The following NR4A3 variants were observed in gnomAD, a reference collection of about 807,000 sequenced individuals.
NR4A3 encodes chondrosarcoma, extraskeletal myxoid, fused to EWS.
A neutral mutation model predicts 55.6 loss-of-function variants in NR4A3; 13 were observed. The ratio of observed to expected loss-of-function variants is 0.23; its 90% CI spans 0.15 to 0.37. The LOEUF (loss-of-function observed/expected upper bound fraction) is 0.37. Ranked by LOEUF, NR4A3 falls within the 10% of genes least tolerant of loss-of-function variation. The probability of loss-of-function intolerance (pLI) is 1.00; values close to 1 mark genes in which losing one functional copy is unlikely to be tolerated. For missense variants in NR4A3, 646 were observed against 822.8 expected, an observed-to-expected ratio of 0.79 and a Z score of 2.63; for synonymous variants, 342 against 357.9, an observed-to-expected ratio of 0.96 and a Z score of 0.50.
intron 5 of NR4A3, among the ~76,000 whole-genome samples, chr9:99,839,167 G>C (rs1335484325): frequency 6.6e-6 from 1 of 152,106 alleles, no homozygotes; most frequent in Non-Finnish European, 1.5e-5. Flanking sequence ...TTTTTGGAGT[G>C]GGGGCATAGA....
chr9:99,857,325 A>T (rs953158397), intron 7 of NR4A3, among the ~76,000 whole-genome samples: 1 of 152,176 alleles, frequency 6.6e-6, no homozygotes, highest in East Asian at 1.9e-4. Flanking sequence ...TGAGTTTTAG[A>T]TAGAGAGGAT....
At chr9:99,830,368 T>C (rs1346864920) in intron 3 of NR4A3, among the ~76,000 whole-genome samples, 1 of 152,236 alleles carries the variant, frequency 6.6e-6, no homozygotes, top group Non-Finnish European at 1.5e-5. Flanking sequence ...GATAAAAATA[T>C]ATATGAAAGT....
In NR4A3 at chr9:99,828,632, C is replaced by T; in HGVS notation, c.590C>T (p.Pro197Leu). Residue 197 changes from proline to leucine, a missense_variant, in exon 3 of 8, where the codon CCG becomes CTG. Physicochemically the swap from Pro to Leu is moderately conservative, Grantham distance 98. Around this residue, in one of 5 missense-constraint regions of NR4A3, gnomAD observed 426 missense variants for 429.4 expected, o/e 0.99. Coordinates refer to ENST00000395097, the MANE Select transcript of NR4A3 (RefSeq NM_006981.4). This position sits in a 1 kb window ranked among gnomAD's most constrained non-coding sequence, Gnocchi z 7.7. ...RFPLFHFKPS[P>L]PHPPAPSPAG... is the part of the protein sequence containing the mutation. Reference sequence around the variant, plus strand: ...CCGCTCTTCCACTTCAAGCCCTCGCCGCCGCATCCCCCCGCGCCCAGCCCG... The same window carrying T: ...CCGCTCTTCCACTTCAAGCCCTCGCTGCCGCATCCCCCCGCGCCCAGCCCG... The T allele has an allele frequency of 6.8e-7, 1 of 1,474,882 alleles. No homozygotes were observed. The highest frequency in any genetic ancestry group is 1.3e-5 in the South Asian group (1 of 76,818). 91.4% of individuals were successfully genotyped at this position (1,474,882 alleles called of 1,614,324 possible).
intron 6 of NR4A3, 55 bp from the exon 7 acceptor site, chr9:99,847,382 A>G: frequency 5.9e-6 from 9 of 1,535,916 alleles, no homozygotes; most frequent in Non-Finnish European, 8.1e-6. Flanking sequence ...TAATGTTATC[A>G]TGTTGGACAG....
At chr9:99,856,514 A>G (rs1306213742) in intron 7 of NR4A3, among the ~76,000 whole-genome samples, 1 of 152,174 alleles carries the variant, frequency 6.6e-6, no homozygotes. Context: ...GCCATGGACC[A>G]ATACCAATTG....
At chr9:99,835,831 A>G (rs1827549320) in intron 5 of NR4A3, among the ~76,000 whole-genome samples, 1 of 152,182 alleles carries the variant, frequency 6.6e-6, no homozygotes, top group African/African-American at 2.4e-5. Context: ...ATCCTCATCA[A>G]CAAACATTTA....
intron 6 of NR4A3, among the ~76,000 whole-genome samples, chr9:99,846,263 C>T (rs533911602): frequency 2.0e-5 from 3 of 152,252 alleles, no homozygotes; most frequent in African/African-American, 7.2e-5. Flanking sequence ...CTTGTTATAC[C>T]CAATATTTGT....
intron 3 of NR4A3, among the ~76,000 whole-genome samples, chr9:99,831,107 G>A (rs576700535): frequency 2.0e-5 from 3 of 152,250 alleles, no homozygotes; most frequent in Admixed American, 6.5e-5. Context: ...ATAGGAATTC[G>A]GTGATTGAAC....
At chr9:99,831,774 T>A (rs886099611) in intron 3 of NR4A3, among the ~76,000 whole-genome samples, 1 of 152,236 alleles carries the variant, frequency 6.6e-6, no homozygotes. Context: ...AAAGCAAGCA[T>A]TTGTTTAAAT....
chr9:99,845,889 G>A (rs1827744973), intron 6 of NR4A3, among the ~76,000 whole-genome samples: 1 of 152,206 alleles, frequency 6.6e-6, no homozygotes, highest in Non-Finnish European at 1.5e-5. Context: ...CAACTAGAGT[G>A]CCAGTAATAG....
chr9:99,860,733 G>T (rs1340668484), intron 7 of NR4A3, among the ~76,000 whole-genome samples: 1 of 152,228 alleles, frequency 6.6e-6, no homozygotes, highest in Non-Finnish European at 1.5e-5. Context: ...AAAGCAAAAT[G>T]ATGCACTGCA....
chr9:99,852,433 A>G (rs1707921495), intron 7 of NR4A3, among the ~76,000 whole-genome samples: 1 of 152,170 alleles, frequency 6.6e-6, no homozygotes, highest in African/African-American at 2.4e-5. Flanking sequence ...GAGTGGTGAG[A>G]TGATGTCTTG....
At chr9:99,860,197 T>TATTTAATGTTGTAAACGTTTTTTTTTTTA (rs1195920998) in intron 7 of NR4A3, among the ~76,000 whole-genome samples, 2 of 148,960 alleles carry the variant, frequency 1.3e-5, no homozygotes, top group African/African-American at 4.9e-5. Context: ...TTCTACTCTT[T>TATTTAATGTTGTAAACGTTTTTTTTTTTA]ATTTAATGTT....
rs1464742588 is a variant in NR4A3 at position 99,848,108 on chromosome 9, G to A, written c.1633+493G>A. Among the ~76,000 whole-genome samples the A allele has an allele frequency of 2.6e-5, 4 of 152,156 alleles. No homozygotes were observed. The East Asian group carries it at 7.7e-4, about 29-fold the overall frequency. Reference sequence around the variant, plus strand: ...CCTGTTTCACCCTGTTGCCCAGACTGGTTCAGTGTTCTTGTTACAAAGCCT... The same window carrying A: ...CCTGTTTCACCCTGTTGCCCAGACTAGTTCAGTGTTCTTGTTACAAAGCCT... On this transcript the variant is annotated intron_variant, in intron 7 of 7. Coordinates refer to ENST00000395097, the MANE Select transcript of NR4A3 (RefSeq NM_006981.4).
At chr9:99,857,051 A>G (rs1200943821) in intron 7 of NR4A3, among the ~76,000 whole-genome samples, 1 of 152,266 alleles carries the variant, frequency 6.6e-6, no homozygotes, top group Non-Finnish European at 1.5e-5. Flanking sequence ...TACAGGAAGC[A>G]TGGAGATCAG....
At chr9:99,849,355 T>G (rs1475723876) in intron 7 of NR4A3, among the ~76,000 whole-genome samples, 1 of 151,612 alleles carries the variant, frequency 6.6e-6, no homozygotes, top group Non-Finnish European at 1.5e-5. Flanking sequence ...GATGAGAAAC[T>G]CACTTTTTTT....
intron 1 of NR4A3, among the ~76,000 whole-genome samples, chr9:99,823,436 G>A (rs1221541164): frequency 1.3e-5 from 2 of 152,098 alleles, no homozygotes; most frequent in African/African-American, 2.4e-5. Context: ...ATTCTCCAGA[G>A]GGAAGAGCTG....
intron 3 of NR4A3, 58 bp downstream of exon 3, chr9:99,829,051 T>C: frequency 7.7e-7 from 1 of 1,297,070 alleles, no homozygotes; most frequent in Non-Finnish European, 9.8e-7. Flanking sequence ...AGGGAGCTTC[T>C]AAGTGAGTGT....
intron 7 of NR4A3, among the ~76,000 whole-genome samples, chr9:99,858,345 G>C (rs980993854): frequency 1.3e-5 from 2 of 152,120 alleles, no homozygotes; most frequent in African/African-American, 2.4e-5. Context: ...CTTCTTCCCT[G>C]GTTCCACCTA....
Sources: allele counts gnomAD v4.1 joint callset (sites outside exome capture counted in the v4.1 genomes callset), GRCh38; gene constraint gnomAD v4.1.1; regional missense constraint gnomAD v4.1.1; non-coding constraint Gnocchi (gnomAD v3.1); transcripts MANE v1.5; gene names NCBI Gene and HGNC (gene_info 2026-07-23, HGNC 2026-07-21).